The following KLF12 variants were observed in gnomAD, a reference collection of about 807,000 sequenced individuals.
KLF12 encodes the protein KLF transcription factor 12, also known as Krueppel-like factor 12.
KLF12 carries 9 observed loss-of-function variants against 37.8 expected under a neutral mutation model. The ratio of observed to expected loss-of-function variants is 0.24; its 90% CI spans 0.14 to 0.42. The LOEUF (loss-of-function observed/expected upper bound fraction) is 0.42. Ranked by LOEUF, KLF12 falls within the 10% of genes least tolerant of loss-of-function variation. The pLI is 1.00. For synonymous variants in KLF12, 208 were observed against 202.1 expected (o/e 1.03, Z -0.25); for missense variants, 411 against 516.0 (o/e 0.80, Z 1.97).
chr13:74,158,809 G>A, the KLF12 span, among the ~76,000 whole-genome samples: 2,326 of 152,230 alleles, frequency 0.015, 55 homozygotes, highest in African/African-American at 0.051. Context: ...CTGACACATA[G>A]GTCGTTTGCA....
chr13:73,901,212 AG>A (rs1270082101), intron 3 of KLF12, among the ~76,000 whole-genome samples: 1 of 152,226 alleles, frequency 6.6e-6, no homozygotes, highest in Non-Finnish European at 1.5e-5. Flanking sequence ...GCACAATGTC[AG>A]GTTCCTAATA....
the KLF12 span, among the ~76,000 whole-genome samples, chr13:74,173,110 A>G: frequency 1.3e-5 from 2 of 152,190 alleles, no homozygotes; most frequent in African/African-American, 4.8e-5. Context: ...AATAGAATAA[A>G]TGCTTCCCCT....
At chr13:74,245,301 CTATCTA>C in the KLF12 span, among the ~76,000 whole-genome samples, 1 of 120,340 alleles carries the variant, frequency 8.3e-6, no homozygotes, top group African/African-American at 3.8e-5. Flanking sequence ...GTTTATCTAT[CTATCTA>C]TCTATCTATC....
chr13:74,257,371 T>C, the KLF12 span: 7 of 151,614 alleles, frequency 4.6e-5, no homozygotes, highest in East Asian at 1.2e-3. Flanking sequence ...CTCCCGAGAG[T>C]CCCTGTACTC....
At chr13:73,851,008 G>A (rs1937277366) in intron 3 of KLF12, among the ~76,000 whole-genome samples, 1 of 152,138 alleles carries the variant, frequency 6.6e-6, no homozygotes, top group South Asian at 2.1e-4. Flanking sequence ...TTAGCTGTGC[G>A]ATCTTGGTAT....
chr13:73,909,762 T>A (rs1888483617), intron 3 of KLF12, among the ~76,000 whole-genome samples: 1 of 152,238 alleles, frequency 6.6e-6, no homozygotes, highest in African/African-American at 2.4e-5. Flanking sequence ...CATTTAAATA[T>A]CTATTAATCT....
chr13:73,898,667 C>T (rs1887901072), intron 3 of KLF12, among the ~76,000 whole-genome samples: 1 of 152,144 alleles, frequency 6.6e-6, no homozygotes, highest in African/African-American at 2.4e-5. Flanking sequence ...CTTACCCTAA[C>T]CAAAGGTAAA....
chr13:74,001,607 G>A (rs1209578614), intron 1 of KLF12, among the ~76,000 whole-genome samples: 2 of 152,162 alleles, frequency 1.3e-5, no homozygotes, highest in East Asian at 3.8e-4. Flanking sequence ...GTATGCTTGG[G>A]CTGCCAATGC....
intron 5 of KLF12, among the ~76,000 whole-genome samples, chr13:73,787,744 C>T (rs982821295): frequency 6.6e-6 from 1 of 152,054 alleles, no homozygotes; most frequent in Non-Finnish European, 1.5e-5. Flanking sequence ...CTCGAAGATA[C>T]AATGATTTGA....
intron 3 of KLF12, among the ~76,000 whole-genome samples, chr13:73,920,387 G>A (rs902672345): frequency 1.3e-5 from 2 of 151,814 alleles, no homozygotes; most frequent in African/African-American, 4.8e-5. Context: ...TATGGGCCAG[G>A]TACAAGGTCT....
chr13:73,973,834 A>G (rs1804735638), intron 2 of KLF12, among the ~76,000 whole-genome samples: 1 of 152,186 alleles, frequency 6.6e-6, no homozygotes, highest in African/African-American at 2.4e-5. Flanking sequence ...GCTTCATGTT[A>G]CAGGACTTCC....
the KLF12 span, among the ~76,000 whole-genome samples, chr13:74,255,524 A>G: frequency 6.6e-6 from 1 of 152,240 alleles, no homozygotes; most frequent in Non-Finnish European, 1.5e-5. Context: ...TGCATGATGT[A>G]ATGAGACCTA....
chr13:74,069,562 G>A (rs1182387589), intron 1 of KLF12, among the ~76,000 whole-genome samples: 1 of 152,090 alleles, frequency 6.6e-6, no homozygotes, highest in African/African-American at 2.4e-5. Flanking sequence ...AGACCAGGAG[G>A]ACAATGTTAT....
chr13:74,178,008 G>A, the KLF12 span, among the ~76,000 whole-genome samples: 1 of 152,230 alleles, frequency 6.6e-6, no homozygotes, highest in Non-Finnish European at 1.5e-5. Context: ...ATTAGGGGTT[G>A]CATTTTCTCA....
chr13:73,710,388 G>A (rs1593988829), intron 7 of KLF12, among the ~76,000 whole-genome samples: 1 of 117,026 alleles, frequency 8.5e-6, no homozygotes, highest in East Asian at 2.1e-4. Context: ...CTGTGTGTGT[G>A]TGTGTGTGTG....
intron 5 of KLF12, among the ~76,000 whole-genome samples, chr13:73,795,760 A>C (rs1881925417): frequency 6.6e-6 from 1 of 152,156 alleles, no homozygotes; most frequent in Non-Finnish European, 1.5e-5. Context: ...ACAAAAGAAA[A>C]GCTCCTTGTT....
intron 4 of KLF12, among the ~76,000 whole-genome samples, chr13:73,825,740 C>T (rs889872438): frequency 2.6e-5 from 4 of 152,072 alleles, no homozygotes; most frequent in South Asian, 2.1e-4. Flanking sequence ...AAATTCATAC[C>T]GCTCTAATAA....
chr13:73,735,566 TG>T (rs1743698944), intron 6 of KLF12, among the ~76,000 whole-genome samples: 2 of 152,110 alleles, frequency 1.3e-5, no homozygotes, highest in African/African-American at 4.8e-5. Flanking sequence ...TCACTCCAGC[TG>T]TGGGAACCAC....
At position 73,836,937 on chromosome 13, in the gene KLF12, C is replaced by T. The variant is rs992366022; in HGVS notation, c.670+8890G>A. 2.0e-5 allele frequency among the ~76,000 whole-genome samples: 3 copies of T among 152,202 alleles called. No homozygotes were observed. The South Asian group carries it at 6.2e-4, about 32-fold the overall frequency. On this transcript the variant is annotated intron_variant, in intron 4 of 7. Coordinates refer to ENST00000377669, the MANE Select transcript of KLF12 (RefSeq NM_007249.5). ...TTGACCTAATAAATAAAATAGTGTG[C>T]CAGGTTACCTTATTCGGTAGTACCT...
Sources: allele counts gnomAD v4.1 joint callset (sites outside exome capture counted in the v4.1 genomes callset), GRCh38; gene constraint gnomAD v4.1.1; transcripts MANE v1.5; gene names NCBI Gene and HGNC (gene_info 2026-07-23, HGNC 2026-07-21).